Variants in GAB1 observed in about 807,000 individuals in gnomAD.
GAB1 encodes GRB2-associated-binding protein 1.
GAB1 carries 19 observed loss-of-function variants against 66.5 expected under a neutral mutation model. The ratio of observed to expected loss-of-function variants is 0.29; its 90% CI spans 0.20 to 0.42. The LOEUF (loss-of-function observed/expected upper bound fraction) is 0.42. Among genes scored for constraint, GAB1 ranks in the 10% least tolerant of loss-of-function variants. The pLI is 1.00. For missense variants in GAB1, 732 were observed against 858.5 expected, an observed-to-expected ratio of 0.85 and a Z score of 1.84; for synonymous variants, 294 against 301.4, an observed-to-expected ratio of 0.98 and a Z score of 0.25.
At chr4:143,415,066 A>G (rs1370556480) in intron 1 of GAB1, among the ~76,000 whole-genome samples, 1 of 152,210 alleles carries the variant, frequency 6.6e-6, no homozygotes, top group South Asian at 2.1e-4. Flanking sequence ...TATAAGTGGA[A>G]TCATACAATA....
chr4:143,363,736 T>G (rs1007779803), intron 1 of GAB1, among the ~76,000 whole-genome samples: 2 of 152,174 alleles, frequency 1.3e-5, no homozygotes, highest in Admixed American at 1.3e-4. Flanking sequence ...AGTGGACACA[T>G]GCAATTTTGT....
intron 1 of GAB1, among the ~76,000 whole-genome samples, chr4:143,353,295 G>T (rs541358105): frequency 6.6e-6 from 1 of 152,278 alleles, no homozygotes; most frequent in African/African-American, 2.4e-5. Flanking sequence ...TTGAGGTGTG[G>T]TTGATTTGTA....
At position 143,460,586 on chromosome 4, in the gene GAB1, A is replaced by C. The variant is rs893284421; in HGVS notation, c.1803+99A>C. On this transcript the variant is annotated intron_variant, in intron 8 of 9. Coordinates refer to ENST00000262994, the MANE Select transcript of GAB1 (RefSeq NM_002039.4). ...AAATTTTATCCTCGTATCTTTATAT[A>C]CTTAAGAAAAAGCAGTAAAAGACAA... 2.7e-6 allele frequency: 3 copies of C among 1,091,950 alleles called. No individual in the cohort carries two copies. The South Asian group carries it at 5.8e-5, about 21-fold the overall frequency. The allele number at this position is 1,091,950 out of a possible 1,614,324, so 67.6% of individuals were successfully genotyped here. A position where few individuals can be genotyped will look rare whatever the true frequency, so the allele number is the denominator to read the frequency against.
chr4:143,348,565 C>CAAT (rs1729062407), intron 1 of GAB1, among the ~76,000 whole-genome samples: 3 of 152,252 alleles, frequency 2.0e-5, no homozygotes, highest in Admixed American at 1.3e-4. Context: ...TGGATTGCTG[C>CAAT]AATAGCCAGT....
chr4:143,437,659 A>G (rs1267812289), intron 3 of GAB1, among the ~76,000 whole-genome samples: 3 of 152,190 alleles, frequency 2.0e-5, no homozygotes, highest in East Asian at 3.8e-4. Context: ...CCTTGTGTCT[A>G]TGCATTAATC....
intron 1 of GAB1, among the ~76,000 whole-genome samples, chr4:143,338,152 A>G (rs1227351409): frequency 1.3e-5 from 2 of 152,212 alleles, no homozygotes; most frequent in Non-Finnish European, 2.9e-5. Flanking sequence ...ACCTTGCTTT[A>G]GTGGAAACCT....
In GAB1 at chr4:143,411,348, A is replaced by G. The variant is rs185369778; in HGVS notation, c.73-4129A>G. The stretch of plus-strand genomic sequence containing the variant: ...AACTCAAAATTGGAGTGACTATTGC[A>G]TATAAGAAATGGCTACAAAATAAGT... On this transcript the variant is annotated intron_variant, in intron 1 of 9. Coordinates refer to ENST00000262994, the MANE Select transcript of GAB1 (RefSeq NM_002039.4). Among the ~76,000 whole-genome samples the G allele has an allele frequency of 2.8e-4, 43 of 152,350 alleles. No individual in the cohort carries two copies. The East Asian group carries it at 3.1e-3, about 11-fold the overall frequency.
At chr4:143,425,398 A>T in intron 2 of GAB1, 1 of 759,478 alleles carries the variant, frequency 1.3e-6, no homozygotes. Context: ...TCTGGGAGCC[A>T]TGGCTTCTTG....
At chr4:143,372,098 G>T (rs577378185) in intron 1 of GAB1, among the ~76,000 whole-genome samples, 2 of 152,038 alleles carry the variant, frequency 1.3e-5, no homozygotes, top group African/African-American at 2.4e-5. Flanking sequence ...CCCCAGGTGG[G>T]TGGATCACTT....
At chr4:143,429,142 G>A (rs1733518432) in intron 2 of GAB1, among the ~76,000 whole-genome samples, 1 of 152,056 alleles carries the variant, frequency 6.6e-6, no homozygotes, top group Non-Finnish European at 1.5e-5. Context: ...TTACTCTATT[G>A]CCCAGGTGAG....
chr4:143,434,261 A>G, intron 3 of GAB1: 1 of 449,614 alleles, frequency 2.2e-6, no homozygotes, highest in Non-Finnish European at 3.5e-6. Context: ...TACAAATTGG[A>G]TGTTAGTGAA....
At chr4:143,402,404 G>A (rs1731824498) in intron 1 of GAB1, among the ~76,000 whole-genome samples, 1 of 152,142 alleles carries the variant, frequency 6.6e-6, no homozygotes, top group Non-Finnish European at 1.5e-5. Context: ...GCTGGGATAT[G>A]AGGACTTTTA....
intron 1 of GAB1, among the ~76,000 whole-genome samples, chr4:143,412,643 T>C (rs1732455536): frequency 6.6e-6 from 1 of 152,142 alleles, no homozygotes; most frequent in African/African-American, 2.4e-5. Flanking sequence ...TCTAAAACTA[T>C]GCTATTAGTT....
intron 1 of GAB1, among the ~76,000 whole-genome samples, chr4:143,381,274 A>G (rs1488052293): frequency 1.3e-5 from 2 of 152,208 alleles, no homozygotes; most frequent in Non-Finnish European, 2.9e-5. Context: ...AAGGGCTAGC[A>G]CACAGTAGGT....
chr4:143,386,317 G>C (rs904154214), intron 1 of GAB1, among the ~76,000 whole-genome samples: 1 of 152,154 alleles, frequency 6.6e-6, no homozygotes, highest in Admixed American at 6.6e-5. Context: ...TTGGAGAAGA[G>C]AGTAAAGTCT....
At chr4:143,349,346 C>A in intron 1 of GAB1, 1 of 1,120,766 alleles carries the variant, frequency 8.9e-7, no homozygotes. Flanking sequence ...ACTAGGTGGT[C>A]AGTGAAGTCC....
chr4:143,420,836 A>T (rs1732973767), intron 2 of GAB1, among the ~76,000 whole-genome samples: 1 of 152,116 alleles, frequency 6.6e-6, no homozygotes, highest in South Asian at 2.1e-4. Context: ...AACATGTAAG[A>T]ATATACATAC....
At chr4:143,348,901 G>A (rs144018836) in intron 1 of GAB1, among the ~76,000 whole-genome samples, 313 of 152,172 alleles carry the variant, frequency 2.1e-3, no homozygotes, top group African/African-American at 7.2e-3. Context: ...TCTCCTCCAG[G>A]AGTCCTTGAC....
intron 1 of GAB1, among the ~76,000 whole-genome samples, chr4:143,399,098 T>A (rs1202011807): frequency 6.6e-6 from 1 of 152,236 alleles, no homozygotes; most frequent in Non-Finnish European, 1.5e-5. Flanking sequence ...TGGAAATGAT[T>A]TCTCAGATTT....
Sources: gnomAD v4.1 joint callset for allele counts (sites outside exome capture counted in the v4.1 genomes callset) on GRCh38, gnomAD v4.1.1 for gene constraint, MANE v1.5 for transcripts, NCBI Gene and HGNC (gene_info 2026-07-23, HGNC 2026-07-21) for gene names.